Variants in SUGCT observed in about 807,000 individuals in gnomAD.
The protein encoded by SUGCT is succinyl-CoA:glutarate-CoA transferase.
SUGCT carries 41 observed loss-of-function variants against 55.0 expected under a neutral mutation model. The ratio of observed to expected loss-of-function variants is 0.74; its 90% CI spans 0.58 to 0.97. The LOEUF (loss-of-function observed/expected upper bound fraction) is 0.97. Ranked by LOEUF, SUGCT falls within the 50% of genes least tolerant of loss-of-function variation. The probability of loss-of-function intolerance (pLI) is 0.00; values close to 1 mark genes in which losing one functional copy is unlikely to be tolerated. For synonymous variants in SUGCT, 187 were observed against 200.4 expected, an observed-to-expected ratio of 0.93 and a Z score of 0.56; for missense variants, 568 against 547.8, an observed-to-expected ratio of 1.04 and a Z score of -0.37.
At chr7:40,316,961 T>G (rs951833844) in intron 9 of SUGCT, 106 bp downstream of exon 9, 1 of 527,098 alleles carries the variant, frequency 1.9e-6, no homozygotes, top group Non-Finnish European at 3.3e-6. Context: ...AGCTGTTTTT[T>G]TTTTTTTTTT....
chr7:40,755,023 G>A (rs371456987), intron 13 of SUGCT, among the ~76,000 whole-genome samples: 4 of 152,270 alleles, frequency 2.6e-5, no homozygotes, highest in African/African-American at 7.2e-5. Flanking sequence ...TGGCACCCTG[G>A]AGGAGCAGAG....
intron 5 of SUGCT, among the ~76,000 whole-genome samples, chr7:40,191,847 C>T (rs112787018): frequency 0.017 from 2,568 of 152,268 alleles, 72 homozygotes; most frequent in African/African-American, 0.06. Context: ...TGGTGGCTCA[C>T]GCCTGTAATC....
At chr7:40,945,153 C>A in the SUGCT span, among the ~76,000 whole-genome samples, 3 of 151,976 alleles carry the variant, frequency 2.0e-5, no homozygotes, top group African/African-American at 7.2e-5. Context: ...CAGTGGTGGG[C>A]AGGGGTCCAA....
chr7:40,216,902 A>T (rs1693945995), intron 6 of SUGCT, among the ~76,000 whole-genome samples: 1 of 151,554 alleles, frequency 6.6e-6, no homozygotes, highest in Non-Finnish European at 1.5e-5. Context: ...TACCCTCTCC[A>T]TATAAGAAAG....
intron 12 of SUGCT, among the ~76,000 whole-genome samples, chr7:40,521,083 G>A (rs1793503373): frequency 6.6e-6 from 1 of 152,056 alleles, no homozygotes; most frequent in Non-Finnish European, 1.5e-5. Flanking sequence ...ACTAGATATT[G>A]TCAGTGATAT....
In SUGCT at chr7:40,755,858, G is replaced by A. The variant is rs547264990; in HGVS notation, c.1153+6361G>A. 3.9e-5 allele frequency among the ~76,000 whole-genome samples: 6 copies of A among 152,250 alleles called. No homozygotes were observed. In the South Asian group the frequency reaches 1.2e-3, roughly 32 times the overall value. ...ATTCGAAATTGAATTGCTTCTGCCT[G>A]CTGGTCCCCTGATCTGTGTTTTTCA... On this transcript the variant is annotated intron_variant, in intron 13 of 13. Transcript: ENST00000335693.
chr7:40,465,950 T>C (rs1345805113), intron 11 of SUGCT, among the ~76,000 whole-genome samples: 1 of 152,198 alleles, frequency 6.6e-6, no homozygotes, highest in African/African-American at 2.4e-5. Context: ...AGTGTGATCA[T>C]GGTTCACTTT....
At chr7:40,815,328 C>T (rs949605302) in intron 13 of SUGCT, among the ~76,000 whole-genome samples, 1 of 152,220 alleles carries the variant, frequency 6.6e-6, no homozygotes, top group East Asian at 1.9e-4. Context: ...GGGAAACCTC[C>T]TTGGCCTAAG....
chr7:40,173,812 A>G (rs924526510), intron 1 of SUGCT, among the ~76,000 whole-genome samples: 3 of 150,278 alleles, frequency 2.0e-5, no homozygotes, highest in African/African-American at 7.3e-5. Context: ...TGTACAATTT[A>G]TTGTATTTAT....
the SUGCT span, among the ~76,000 whole-genome samples, chr7:40,949,285 C>A: frequency 5.4e-3 from 826 of 152,248 alleles, 26 homozygotes; most frequent in Non-Finnish European, 1.7e-3. Context: ...ATCCTTTGCC[C>A]ACTTGTTGAT....
rs537964450 is a variant in SUGCT, at chr7:40,786,082, G to A, written c.1153+36585G>A. On this transcript the variant is annotated intron_variant, in intron 13 of 13. Coordinates refer to ENST00000335693, the MANE Select transcript of SUGCT (RefSeq NM_001193313.2). ...CTACTGCACTTTAGCCTGGGCAACCGAAGGAGACCCTATCTCCAAATAAGA... is the reference window on the plus strand; with the variant it reads ...CTACTGCACTTTAGCCTGGGCAACCAAAGGAGACCCTATCTCCAAATAAGA... 3.9e-5 allele frequency among the ~76,000 whole-genome samples: 6 copies of A among 152,244 alleles called. No individual in the cohort carries two copies. The East Asian group carries it at 5.8e-4, about 15-fold the overall frequency.
intron 8 of SUGCT, among the ~76,000 whole-genome samples, chr7:40,302,999 T>G (rs1367795281): frequency 3.9e-5 from 6 of 152,172 alleles, no homozygotes; most frequent in Non-Finnish European, 8.8e-5. Flanking sequence ...TCCCACTCTA[T>G]TCTAGCATAT....
chr7:40,680,885 C>G (rs1584263473), intron 12 of SUGCT, among the ~76,000 whole-genome samples: 1 of 152,092 alleles, frequency 6.6e-6, no homozygotes. Context: ...TGAGATGAAG[C>G]ACCATGTCCA....
At chr7:40,163,606 G>GAA (rs11298191) in intron 1 of SUGCT, among the ~76,000 whole-genome samples, 40 of 126,518 alleles carry the variant, frequency 3.2e-4, no homozygotes, top group African/African-American at 1.1e-3. Context: ...CTCTGTCTCA[G>GAA]AAAAAAAAAA....
intron 9 of SUGCT, among the ~76,000 whole-genome samples, chr7:40,443,862 C>T (rs907067370): frequency 8.5e-5 from 13 of 152,116 alleles, no homozygotes; most frequent in African/African-American, 3.1e-4. Context: ...TTAGGTCTAA[C>T]ATTTAAGTCT....
chr7:40,723,425 G>A (rs967960011), intron 12 of SUGCT, among the ~76,000 whole-genome samples: 1 of 152,164 alleles, frequency 6.6e-6, no homozygotes, highest in Non-Finnish European at 1.5e-5. Flanking sequence ...GGGTGTAGGG[G>A]CTGCGGCTTT....
the SUGCT span, among the ~76,000 whole-genome samples, chr7:40,875,611 T>C: frequency 6.6e-6 from 1 of 152,354 alleles, no homozygotes; most frequent in South Asian, 2.1e-4. Flanking sequence ...TTCAAGACCT[T>C]TGAGGCAATA....
At chr7:40,959,136 C>A in the SUGCT span, among the ~76,000 whole-genome samples, 1 of 152,224 alleles carries the variant, frequency 6.6e-6, no homozygotes, top group Non-Finnish European at 1.5e-5. Flanking sequence ...AGTCAGGAGG[C>A]ACAGGGGTCA....
intron 1 of SUGCT, among the ~76,000 whole-genome samples, chr7:40,150,615 T>C (rs1788510086): frequency 6.6e-6 from 1 of 151,622 alleles, no homozygotes; most frequent in Non-Finnish European, 1.5e-5. Flanking sequence ...AACATTGCAT[T>C]GAGTCGAGAT....
Sources: gnomAD v4.1 joint callset for allele counts (sites outside exome capture counted in the v4.1 genomes callset) on GRCh38, gnomAD v4.1.1 for gene constraint, MANE v1.5 for transcripts, NCBI Gene and HGNC (gene_info 2026-07-23, HGNC 2026-07-21) for gene names.